The following PDE1A variants were observed in gnomAD, a reference collection of about 807,000 sequenced individuals.
PDE1A encodes dual specificity calcium/calmodulin-dependent 3',5'-cyclic nucleotide phosphodiesterase 1A.
A neutral mutation model predicts 61.7 loss-of-function variants in PDE1A; 35 were observed. The observed-to-expected ratio is 0.57, with a 90% CI of 0.43 to 0.75. The LOEUF (loss-of-function observed/expected upper bound fraction) is 0.75. Ranked by LOEUF, PDE1A falls within the 30% of genes least tolerant of loss-of-function variation. The probability of loss-of-function intolerance (pLI) is 0.00; values close to 1 mark genes in which losing one functional copy is unlikely to be tolerated. For missense variants in PDE1A, 597 were observed against 630.6 expected, an observed-to-expected ratio of 0.95 and a Z score of 0.57; for synonymous variants, 232 against 213.2, an observed-to-expected ratio of 1.09 and a Z score of -0.77.
intron 13 of PDE1A, among the ~76,000 whole-genome samples, chr2:182,153,967 TTCTTTA>T (rs1690931605): frequency 6.6e-6 from 1 of 152,240 alleles, no homozygotes; most frequent in African/African-American, 2.4e-5. Flanking sequence ...AATTCACATA[TTCTTTA>T]TCTTTATAAA....
chr2:182,572,479 G>C, the PDE1A span, among the ~76,000 whole-genome samples: 2 of 152,126 alleles, frequency 1.3e-5, no homozygotes, highest in African/African-American at 4.8e-5. Context: ...GTTTAGAAAA[G>C]TATGACAATA....
At chr2:182,676,316 G>A in the PDE1A span, among the ~76,000 whole-genome samples, 2 of 151,950 alleles carry the variant, frequency 1.3e-5, no homozygotes, top group African/African-American at 4.8e-5. Context: ...AAACCTAGGT[G>A]AGATGGATAG....
chr2:182,404,463 A>G (rs1250565737), intron 1 of PDE1A, among the ~76,000 whole-genome samples: 1 of 152,232 alleles, frequency 6.6e-6, no homozygotes, highest in East Asian at 1.9e-4. Context: ...TCTTTCTTCA[A>G]TAAACAAATT....
At chr2:182,290,490 T>A (rs1399393360) in intron 1 of PDE1A, among the ~76,000 whole-genome samples, 1 of 151,980 alleles carries the variant, frequency 6.6e-6, no homozygotes, top group African/African-American at 2.4e-5. Context: ...CTTTGGTTAA[T>A]CTTAAAACAT....
intron 2 of PDE1A, among the ~76,000 whole-genome samples, chr2:182,253,418 T>C (rs1184189312): frequency 6.6e-6 from 1 of 152,140 alleles, no homozygotes; most frequent in African/African-American, 2.4e-5. Flanking sequence ...ACAACTTTAG[T>C]ATTAGGTTTA....
At chr2:182,662,936 C>G in the PDE1A span, among the ~76,000 whole-genome samples, 4 of 152,192 alleles carry the variant, frequency 2.6e-5, no homozygotes, top group South Asian at 2.1e-4. Flanking sequence ...ATGCATCTGA[C>G]AGAGGTCTAA....
chr2:182,230,031 T>A, exon 6 of PDE1A: 1 of 1,613,096 alleles, frequency 6.2e-7, no homozygotes, highest in Non-Finnish European at 8.5e-7. Flanking sequence ...AAGCATTATG[T>A]AATGCACAGT....
chr2:182,570,369 G>T, the PDE1A span, among the ~76,000 whole-genome samples: 1 of 152,128 alleles, frequency 6.6e-6, no homozygotes, highest in Admixed American at 6.5e-5. Context: ...GTTATTCCTG[G>T]TAACCAAAGT....
chr2:182,295,111 A>G (rs1467532366), intron 1 of PDE1A, among the ~76,000 whole-genome samples: 4 of 107,156 alleles, frequency 3.7e-5, no homozygotes, highest in Admixed American at 1.6e-4. Flanking sequence ...TCTGTCGCCC[A>G]GGCCAGACTG....
chr2:182,446,150 T>C (rs754211623), intron 2 of PDE1A, among the ~76,000 whole-genome samples: 5 of 152,118 alleles, frequency 3.3e-5, no homozygotes, highest in Non-Finnish European at 5.9e-5. Context: ...CCAGAATATA[T>C]TAATTACAAA....
At chr2:182,531,897 G>C in the PDE1A span, among the ~76,000 whole-genome samples, 3 of 152,056 alleles carry the variant, frequency 2.0e-5, no homozygotes, top group Non-Finnish European at 4.4e-5. Context: ...TCCCCGCCCT[G>C]TGTCCATGTG....
At chr2:182,673,158 T>A in the PDE1A span, among the ~76,000 whole-genome samples, 1 of 152,224 alleles carries the variant, frequency 6.6e-6, no homozygotes, top group Admixed American at 6.5e-5. Context: ...ATTAGCCACA[T>A]GCCATTTTAA....
At chr2:182,243,578 G>A (rs1414758215) in intron 2 of PDE1A, among the ~76,000 whole-genome samples, 1 of 152,168 alleles carries the variant, frequency 6.6e-6, no homozygotes, top group Non-Finnish European at 1.5e-5. Context: ...ATCAGGCCTT[G>A]GAAGGATTCT....
intron 13 of PDE1A, among the ~76,000 whole-genome samples, chr2:182,184,134 A>G (rs1431282501): frequency 2.6e-5 from 4 of 152,112 alleles, no homozygotes; most frequent in African/African-American, 9.6e-5. Flanking sequence ...CACAATCCTC[A>G]GAAGGAGAGA....
intron 1 of PDE1A, among the ~76,000 whole-genome samples, chr2:182,365,335 C>G (rs1017523833): frequency 6.6e-6 from 1 of 151,960 alleles, no homozygotes; most frequent in African/African-American, 2.4e-5. Flanking sequence ...CTCATTATTT[C>G]TACTATTGCT....
intron 2 of PDE1A, among the ~76,000 whole-genome samples, chr2:182,456,206 C>G (rs1685908887): frequency 6.6e-6 from 1 of 152,042 alleles, no homozygotes; most frequent in Non-Finnish European, 1.5e-5. Context: ...GTAGCATCCA[C>G]TTTACCAGGG....
the PDE1A span, among the ~76,000 whole-genome samples, chr2:182,562,748 A>G: frequency 6.6e-6 from 1 of 152,170 alleles, no homozygotes; most frequent in Non-Finnish European, 1.5e-5. Flanking sequence ...TTATTGGTCT[A>G]TTCAGAGATT....
the PDE1A span, among the ~76,000 whole-genome samples, chr2:182,671,030 T>A: frequency 6.6e-6 from 1 of 151,882 alleles, no homozygotes; most frequent in Non-Finnish European, 1.5e-5. Flanking sequence ...GTTGGCCAGG[T>A]TGGTCTCAAA....
At chr2:182,482,373 T>C (rs925161671) in intron 2 of PDE1A, among the ~76,000 whole-genome samples, 2 of 151,860 alleles carry the variant, frequency 1.3e-5, no homozygotes, top group African/African-American at 2.4e-5. Flanking sequence ...AGAAAAAATA[T>C]GATTATGGAG....
Sources: allele counts gnomAD v4.1 joint callset (sites outside exome capture counted in the v4.1 genomes callset), GRCh38; gene constraint gnomAD v4.1.1; transcripts MANE v1.5; gene names NCBI Gene and HGNC (gene_info 2026-07-23, HGNC 2026-07-21).